Variants in PDE4C observed in about 807,000 individuals in gnomAD.
PDE4C encodes phosphodiesterase 4C, also known as 3',5'-cyclic-AMP phosphodiesterase 4C.
A neutral mutation model predicts 63.9 loss-of-function variants in PDE4C; 50 were observed. That is an observed-to-expected ratio of 0.78 (90% CI 0.62 to 0.99). PDE4C has a LOEUF of 0.99. PDE4C is among the 50% of genes least tolerant of loss of function. The pLI is 0.00. For synonymous variants in PDE4C, 377 were observed against 385.1 expected, an observed-to-expected ratio of 0.98 and a Z score of 0.25; for missense variants, 777 against 899.1, an observed-to-expected ratio of 0.86 and a Z score of 1.74.
rs1568668521 is a variant in PDE4C at position 18,220,356 on chromosome 19, G to T, written c.613-37C>A. The T allele has an allele frequency of 6.2e-7, 1 of 1,611,810 alleles. No homozygotes were observed. Among genetic ancestry groups the T allele is most frequent in the African/African-American group, 1.3e-5 (1 of 74,978 alleles). On this transcript the variant is annotated intron_variant, in intron 6 of 14. Transcript: ENST00000262805. The surrounding 1 kb of genome is among the most constrained non-coding windows in gnomAD (Gnocchi z 5.1). ...AGAAGGTGAAGACCGTGATGATGGG[G>T]CACCGTGGGCCGAGGCAGGTGAGCT...
At chr19:18,222,266 G>T in exon 2 of PDE4C, 1 of 1,613,950 alleles carries the variant, frequency 6.2e-7, no homozygotes, top group Non-Finnish European at 8.5e-7. Context: ...CCAGGCCAGG[G>T]CTGGACTGAG....
rs1269987259 is a variant in PDE4C at position 18,211,952 on chromosome 19, C to T, written c.1513-11G>A. 8.7e-6 allele frequency: 14 copies of T among 1,610,598 alleles called. No individual in the cohort carries two copies. Among genetic ancestry groups the T allele is most frequent in the South Asian group, 4.4e-5 (4 of 91,054 alleles). On this transcript the variant is annotated splice_polypyrimidine_tract_variant and intron_variant, in intron 13 of 14. Coordinates refer to ENST00000262805, the Ensembl canonical transcript of PDE4C. ...CAGGTTCTGCAAGACCTACAGAGATCGAGGCTTGGGAGGGCACTGGCGGGG... is the reference window on the plus strand; with the variant it reads ...CAGGTTCTGCAAGACCTACAGAGATTGAGGCTTGGGAGGGCACTGGCGGGG...
upstream of PDE4C, chr19:18,249,885 G>C (rs1969210452): frequency 2.7e-6 from 1 of 372,942 alleles, no homozygotes; most frequent in Non-Finnish European, 4.7e-6. Context: ...GTGAGCTCCT[G>C]ATTCTTATCT....
intron 1 of PDE4C, among the ~76,000 whole-genome samples, chr19:18,241,378 G>T (rs537968031): frequency 2.1e-4 from 30 of 143,654 alleles, no homozygotes; most frequent in African/African-American, 7.5e-4. Context: ...ACCATTCTCC[G>T]GCCTCAGCTT....
upstream of PDE4C, chr19:18,250,238 C>A: frequency 2.5e-6 from 1 of 398,974 alleles, no homozygotes; most frequent in Non-Finnish European, 4.4e-6. Flanking sequence ...CCCAGGTTGG[C>A]CCTGCTTGGG....
chr19:18,210,715 A>T (rs1037866345), exon 15 of PDE4C: 12 of 634,728 alleles, frequency 1.9e-5, no homozygotes, highest in African/African-American at 1.3e-4. Flanking sequence ...CCCCTTAGAG[A>T]GCTCTTTTAG....
chr19:18,220,385 C>A lies in PDE4C; in HGVS notation c.612+18G>T, dbSNP rs1357129607. The stretch of plus-strand genomic sequence containing the variant: ...CGTGGGCCGAGGCAGGTGAGCTCAG[C>A]GATCTGCCCCACCTCACCTTGTTGG... On this transcript the variant is annotated intron_variant, in intron 6 of 14. Transcript: ENST00000262805. This position sits in a 1 kb window ranked among gnomAD's most constrained non-coding sequence, Gnocchi z 5.1. 3.7e-6 allele frequency: 6 copies of A among 1,611,526 alleles called. No homozygotes were observed. The highest frequency in any genetic ancestry group is 5.1e-6 in the Non-Finnish European group (6 of 1,177,670).
At chr19:18,213,216 A>G (rs987195834) in intron 13 of PDE4C, 152 bp downstream of exon 13, 7 of 476,306 alleles carry the variant, frequency 1.5e-5, no homozygotes, top group African/African-American at 1.0e-4. Context: ...CCTGGGAGGC[A>G]GAGCTTGCAC....
chr19:18,251,907 T>G (rs1969234630), upstream of PDE4C, among the ~76,000 whole-genome samples: 1 of 151,730 alleles, frequency 6.6e-6, no homozygotes, highest in Non-Finnish European at 1.5e-5. Flanking sequence ...ACTTAATAAA[T>G]GCGCATAGCA....
intron 1 of PDE4C, among the ~76,000 whole-genome samples, chr19:18,240,425 CAAAAA>C (rs35192077): frequency 6.1e-4 from 70 of 114,338 alleles, no homozygotes; most frequent in African/African-American, 2.3e-3. Flanking sequence ...GAAACTCTGT[CAAAAA>C]AAAAAAAAAA....
upstream of PDE4C, among the ~76,000 whole-genome samples, chr19:18,229,824 G>GC (rs1444594038): frequency 1.3e-5 from 2 of 151,756 alleles, no homozygotes; most frequent in Non-Finnish European, 2.9e-5. Context: ...CCCTCCCATG[G>GC]CCCCCCATTG....
At chr19:18,251,966 A>C (rs1969235384), upstream of PDE4C, 1 of 397,646 alleles carries the variant, frequency 2.5e-6, no homozygotes, top group South Asian at 1.4e-4. Context: ...TTCCTAGAGC[A>C]TTCTCGGGGC....
At chr19:18,230,231 T>G (rs978749342), upstream of PDE4C, among the ~76,000 whole-genome samples, 230 of 152,178 alleles carry the variant, frequency 1.5e-3, 2 homozygotes, top group African/African-American at 5.2e-3. Context: ...AGCGGCTGGG[T>G]GTGGTGGCTC....
chr19:18,214,276 C>T (rs1231664218), intron 12 of PDE4C, among the ~76,000 whole-genome samples: 2 of 151,840 alleles, frequency 1.3e-5, no homozygotes, highest in African/African-American at 2.4e-5. Flanking sequence ...ATAACCCATC[C>T]TCTAGGATGC....
upstream of PDE4C, among the ~76,000 whole-genome samples, chr19:18,226,864 G>A (rs1032782004): frequency 1.3e-5 from 2 of 151,876 alleles, no homozygotes; most frequent in African/African-American, 4.8e-5. Context: ...CCTCAGCCTC[G>A]CAAAGTGCTG....
chr19:18,245,352 A>G (rs999195943), intron 1 of PDE4C, among the ~76,000 whole-genome samples: 1 of 151,602 alleles, frequency 6.6e-6, no homozygotes, highest in Non-Finnish European at 1.5e-5. Context: ...TTTAGTAGAG[A>G]CAGGGTTTCT....
At chr19:18,251,392 C>A (rs996115321), upstream of PDE4C, among the ~76,000 whole-genome samples, 3 of 151,568 alleles carry the variant, frequency 2.0e-5, no homozygotes, top group Non-Finnish European at 4.4e-5. Context: ...TCCCAAAGTG[C>A]TGGGATTACA....
At chr19:18,228,208 A>C (rs570523913), upstream of PDE4C, among the ~76,000 whole-genome samples, 2 of 152,172 alleles carry the variant, frequency 1.3e-5, no homozygotes, top group African/African-American at 4.8e-5. Context: ...AAGTGACAAT[A>C]GTTACATGTC....
chr19:18,218,428 C>T (rs1261167675), exon 10 of PDE4C: 1 of 1,614,196 alleles, frequency 6.2e-7, no homozygotes, highest in Admixed American at 1.7e-5. Context: ...GTGGTAGTGA[C>T]CTTCCAGCAT....
Sources: allele counts gnomAD v4.1 joint callset (sites outside exome capture counted in the v4.1 genomes callset), GRCh38; gene constraint gnomAD v4.1.1; non-coding constraint Gnocchi (gnomAD v3.1); transcripts MANE v1.5; gene names NCBI Gene and HGNC (gene_info 2026-07-23, HGNC 2026-07-21).